Variants in RNF145 observed in about 807,000 individuals in gnomAD.
RNF145 encodes ring finger protein 145.
Under a neutral mutation model 57.3 loss-of-function variants are expected in RNF145, and 12 were observed. That is an observed-to-expected ratio of 0.21 (90% CI 0.13 to 0.34). The LOEUF is 0.34. Ranked by LOEUF, RNF145 falls within the 10% of genes least tolerant of loss-of-function variation. The pLI, the probability that RNF145 is intolerant of heterozygous loss-of-function variation, is 1.00. For synonymous variants in RNF145, 262 were observed against 288.3 expected, an observed-to-expected ratio of 0.91 and a Z score of 0.92; for missense variants, 429 against 799.0, an observed-to-expected ratio of 0.54 and a Z score of 5.58.
Position 159,207,774 on chromosome 5 carries a change from C to A in RNF145, c.-40+1457G>T, listed in dbSNP as rs777382281. Reference sequence around the variant, plus strand: ...ATGTACCTGATCTCCACATAAACTACTAGCAATTCTGTGGTTTCTCATCAT... The same window carrying A: ...ATGTACCTGATCTCCACATAAACTAATAGCAATTCTGTGGTTTCTCATCAT... On this transcript the variant is annotated intron_variant, in intron 1 of 10. Coordinates refer to ENST00000424310, the MANE Select transcript of RNF145 (RefSeq NM_001199383.2). 1.9e-6 allele frequency: 3 copies of A among 1,614,094 alleles called. No homozygotes were observed. In the African/African-American group the frequency reaches 4.0e-5, roughly 22 times the overall value.
intron 3 of RNF145, among the ~76,000 whole-genome samples, chr5:159,184,801 CCTTCT>C (rs1220802675): frequency 6.6e-6 from 1 of 151,932 alleles, no homozygotes; most frequent in Non-Finnish European, 1.5e-5. Flanking sequence ...CTTTTTTAAG[CCTTCT>C]CTTAACTTTG....
chr5:159,172,012 A>G (rs1784576011), intron 6 of RNF145, among the ~76,000 whole-genome samples: 1 of 152,198 alleles, frequency 6.6e-6, no homozygotes, highest in East Asian at 1.9e-4. Flanking sequence ...AATAAGTCCA[A>G]ATGCATTCAT....
chr5:159,205,736 T>C (rs1219072101), intron 1 of RNF145, among the ~76,000 whole-genome samples: 2 of 152,170 alleles, frequency 1.3e-5, no homozygotes, highest in Non-Finnish European at 2.9e-5. Context: ...TGGAATCCAA[T>C]ATAAATCATT....
intron 8 of RNF145, among the ~76,000 whole-genome samples, chr5:159,165,360 C>T (rs753552561): frequency 5.8e-4 from 88 of 152,174 alleles, no homozygotes; most frequent in Non-Finnish European, 9.7e-4. Flanking sequence ...CTAAGTATTA[C>T]AAATTTTAAA....
At chr5:159,172,865 A>C (rs1306288245) in intron 6 of RNF145, among the ~76,000 whole-genome samples, 1 of 152,178 alleles carries the variant, frequency 6.6e-6, no homozygotes, top group African/African-American at 2.4e-5. Context: ...ATTAACTAGA[A>C]CTTAAAACTG....
rs576390718 is a variant in RNF145 at position 159,193,164 on chromosome 5, A to G, written c.293+1552T>C. 1.6e-4 allele frequency among the ~76,000 whole-genome samples: 24 copies of G among 152,316 alleles called. No homozygotes were observed. In the East Asian group the frequency reaches 4.6e-3, roughly 29 times the overall value. On this transcript the variant is annotated intron_variant, in intron 3 of 10. Transcript: ENST00000424310. ...ATGAAGGAGTCTAAGACACAGTGACATACTTCTGTCATGCAAAACGGGGAA... is the reference window on the plus strand; with the variant it reads ...ATGAAGGAGTCTAAGACACAGTGACGTACTTCTGTCATGCAAAACGGGGAA...
chr5:159,185,172 C>T (rs1241593173), intron 3 of RNF145, among the ~76,000 whole-genome samples: 1 of 152,190 alleles, frequency 6.6e-6, no homozygotes, highest in East Asian at 1.9e-4. Flanking sequence ...CCTCCAAAAT[C>T]CTCCATTTGG....
chr5:159,163,081 T>C lies in RNF145; in HGVS notation c.1122-2A>G. ...GCACGGAAGTGTTTCCACAAGCTCCTGGAGAAAGACAAAATTATTCTTTTT... is the reference window on the plus strand; with the variant it reads ...GCACGGAAGTGTTTCCACAAGCTCCCGGAGAAAGACAAAATTATTCTTTTT... On this transcript the variant is annotated splice_acceptor_variant, in intron 8 of 10. Transcript: ENST00000424310. LOFTEE classifies it high-confidence loss of function. 6.3e-7 allele frequency: 1 copy of C among 1,588,222 alleles called. No individual in the cohort carries two copies. The highest frequency in any genetic ancestry group is 8.5e-7 in the Non-Finnish European group (1 of 1,173,226).
At chr5:159,182,570 T>C (rs1353418796) in intron 3 of RNF145, among the ~76,000 whole-genome samples, 2 of 152,166 alleles carry the variant, frequency 1.3e-5, no homozygotes, top group Non-Finnish European at 2.9e-5. Context: ...TTTTCAACTC[T>C]ATATGAAATC....
intron 8 of RNF145, among the ~76,000 whole-genome samples, chr5:159,164,209 G>A (rs1050044723): frequency 6.6e-6 from 1 of 152,000 alleles, no homozygotes; most frequent in East Asian, 1.9e-4. Context: ...TTTGGAAAGT[G>A]TTTTACATTT....
intron 3 of RNF145, among the ~76,000 whole-genome samples, chr5:159,186,629 C>G (rs1266469836): frequency 6.6e-6 from 1 of 152,142 alleles, no homozygotes. Context: ...CATATACGCA[C>G]ACAAACATAC....
intron 3 of RNF145, among the ~76,000 whole-genome samples, chr5:159,190,681 CAAAAA>C (rs58247587): frequency 1.1e-5 from 1 of 87,298 alleles, no homozygotes. Context: ...ACAACCATCT[CAAAAA>C]AAAAAAAAAA....
chr5:159,187,114 A>G (rs1443311415), intron 3 of RNF145, among the ~76,000 whole-genome samples: 1 of 151,220 alleles, frequency 6.6e-6, no homozygotes, highest in African/African-American at 2.4e-5. Flanking sequence ...AAGCCTGTCT[A>G]TACTAAAAAT....
chr5:159,195,077 C>T lies in RNF145; in HGVS notation c.185-253G>A, dbSNP rs561685755. Among the ~76,000 whole-genome samples, 12 of 152,206 alleles carry T rather than the reference C, an allele frequency of 7.9e-5. No individual in the cohort carries two copies. The East Asian group carries it at 1.9e-3, about 24-fold the overall frequency. On this transcript the variant is annotated intron_variant, in intron 2 of 10. Coordinates refer to ENST00000424310, the MANE Select transcript of RNF145 (RefSeq NM_001199383.2). ...TCAAATATATCACACAAATGTGTAA[C>T]ACAACTCCTTTCTTCATCTACCTTT...
chr5:159,174,043 T>C lies in RNF145; in HGVS notation c.737A>G (p.Tyr246Cys), dbSNP rs1784640039. ...LVLFALQIYS[Y>C]FSTRDQPASR... ...TGCAGGCTGATCTCGAGTACTGAAA[T>C]AGGAGTAAATCTGAAGAGCAAATAA... The change falls in exon 6 of 11, where the codon TAT becomes TGT. Residue 246 changes from tyrosine to cysteine, a missense_variant. Around this residue, in one of 4 missense-constraint regions of RNF145, gnomAD observed 216 missense variants for 457.6 expected, o/e 0.47. Coordinates refer to ENST00000424310, the MANE Select transcript of RNF145 (RefSeq NM_001199383.2). The C allele has an allele frequency of 6.2e-7, 1 of 1,613,464 alleles. No individual in the cohort carries two copies. Among genetic ancestry groups the C allele is most frequent in the Non-Finnish European group, 8.5e-7 (1 of 1,179,656 alleles).
At chr5:159,198,215 C>G (rs192525598) in intron 2 of RNF145, among the ~76,000 whole-genome samples, 9 of 150,798 alleles carry the variant, frequency 6.0e-5, no homozygotes, top group African/African-American at 2.0e-4. Context: ...GCACTCCAAT[C>G]TGGGCGACAG....
At chr5:159,209,779 C>T (rs909362562), upstream of RNF145, 11 of 1,411,574 alleles carry the variant, frequency 7.8e-6, no homozygotes, top group Non-Finnish European at 1.1e-5. Context: ...CGCACTGTGA[C>T]AGGCGCCATT....
intron 4 of RNF145, among the ~76,000 whole-genome samples, chr5:159,178,943 A>C (rs892027625): frequency 1.3e-5 from 2 of 152,086 alleles, no homozygotes; most frequent in Non-Finnish European, 2.9e-5. Context: ...TTTGGCCTTT[A>C]AAAAACTGAT....
At chr5:159,206,961 CAA>C (rs34238590) in intron 1 of RNF145, among the ~76,000 whole-genome samples, 18 of 140,296 alleles carry the variant, frequency 1.3e-4, no homozygotes, top group Admixed American at 5.0e-4. Flanking sequence ...AAAAACAAAC[CAA>C]AAAAAAAAAA....
Sources: gnomAD v4.1 joint callset for allele counts (sites outside exome capture counted in the v4.1 genomes callset) on GRCh38, gnomAD v4.1.1 for gene constraint, gnomAD v4.1.1 regional missense constraint, MANE v1.5 for transcripts, NCBI Gene and HGNC (gene_info 2026-07-23, HGNC 2026-07-21) for gene names.